GSPT1: variants seen among roughly 807,000 people sequenced by gnomAD.
GSPT1 encodes eukaryotic peptide chain release factor GTP-binding subunit ERF3A.
A neutral mutation model predicts 72.5 loss-of-function variants in GSPT1; 20 were observed. The observed-to-expected ratio is 0.28, with a 90% CI of 0.19 to 0.40. The LOEUF (loss-of-function observed/expected upper bound fraction) is 0.40, where lower values mean the gene tolerates loss of function less well. GSPT1 is among the 10% of genes least tolerant of loss of function. The pLI, the probability that GSPT1 is intolerant of heterozygous loss-of-function variation, is 1.00. For synonymous variants in GSPT1, 334 were observed against 293.5 expected (o/e 1.14, Z -1.41); for missense variants, 580 against 811.9 (o/e 0.71, Z 3.47).
intron 9 of GSPT1, 151 bp downstream of exon 9, chr16:11,886,320 G>A: frequency 5.4e-6 from 3 of 556,344 alleles, no homozygotes; most frequent in Non-Finnish European, 9.2e-6. Context: ...TATTTTTAAA[G>A]CCAAGGTTAC....
At chr16:11,913,409 G>A (rs1388452002) in intron 1 of GSPT1, among the ~76,000 whole-genome samples, 2 of 152,210 alleles carry the variant, frequency 1.3e-5, no homozygotes, top group Admixed American at 1.3e-4. Flanking sequence ...TTCTCTTACT[G>A]ACAGCTACTT....
At chr16:11,884,661 G>C (rs1596460584) in intron 10 of GSPT1, among the ~76,000 whole-genome samples, 3 of 151,986 alleles carry the variant, frequency 2.0e-5, no homozygotes, top group African/African-American at 7.3e-5. Flanking sequence ...CTACTCAGGA[G>C]GCTGAGGCTG....
intron 5 of GSPT1, 32 bp from the exon 6 acceptor site, chr16:11,891,171 C>A: frequency 5.4e-6 from 6 of 1,104,418 alleles, no homozygotes; most frequent in Non-Finnish European, 7.7e-6. Context: ...AAAAAGTAAA[C>A]AATTACTCAC....
At chr16:11,889,032 G>C (rs982681019) in intron 6 of GSPT1, among the ~76,000 whole-genome samples, 1 of 152,132 alleles carries the variant, frequency 6.6e-6, no homozygotes, top group African/African-American at 2.4e-5. Flanking sequence ...TTTTTGGATG[G>C]ATGCTGTGGC....
chr16:11,898,649 C>T (rs957093961), intron 1 of GSPT1, among the ~76,000 whole-genome samples: 1 of 152,058 alleles, frequency 6.6e-6, no homozygotes, highest in African/African-American at 2.4e-5. Flanking sequence ...TGGGGTTTCG[C>T]CACGTTGGTC....
At chr16:11,887,020 A>G in intron 7 of GSPT1, 89 bp from the exon 8 acceptor site, 1 of 581,256 alleles carries the variant, frequency 1.7e-6, no homozygotes, top group Middle Eastern at 3.7e-4. Flanking sequence ...TTATATCACG[A>G]GTTTTTTTTT....
chr16:11,906,626 CCT>C (rs1682414814), intron 1 of GSPT1, among the ~76,000 whole-genome samples: 1 of 151,994 alleles, frequency 6.6e-6, no homozygotes, highest in South Asian at 2.1e-4. Context: ...AATGTGAGAC[CCT>C]GTCTCAAAAA....
In GSPT1 at chr16:11,915,670, G is replaced by A; in HGVS notation, c.51C>T (p.Ser17=). The A allele has an allele frequency of 2.0e-6, 3 of 1,468,972 alleles. No homozygotes were observed. Among genetic ancestry groups the A allele is most frequent in the Admixed American group, 4.7e-5 (2 of 42,476 alleles). 91.0% of individuals were successfully genotyped at this position (1,468,972 alleles called of 1,614,324 possible). ...GGGGGGGGGG[S]SSGSSSSDSA... ...AGTCGCTGCTGCTGCTGCCGCTGCT[G>A]CTCCCGCCGCCGCCGCCGCCGCCGC... is the stretch of plus-strand genomic sequence containing the variant. Residue 17 remains serine, a synonymous_variant, in exon 1 of 15, where the codon AGC becomes AGT. Coordinates refer to ENST00000434724, the MANE Select transcript of GSPT1 (RefSeq NM_002094.4).
At position 11,876,658 on chromosome 16, in the gene GSPT1, G is replaced by A. The variant is rs140605480; in HGVS notation, c.1603-483C>T. 9.6e-3 allele frequency among the ~76,000 whole-genome samples: 1,466 copies of A among 152,234 alleles called. 16 individuals carry two copies. The highest frequency in any genetic ancestry group is 0.017 in the Middle Eastern group (5 of 294). On this transcript the variant is annotated intron_variant, in intron 12 of 14. Transcript: ENST00000434724. Reference sequence around the variant, plus strand: ...CTCAGGAGGCTGAGGCAGGACAATCGCTTGAATCCCGGAGGTGGAGGTTGC... The same window carrying A: ...CTCAGGAGGCTGAGGCAGGACAATCACTTGAATCCCGGAGGTGGAGGTTGC...
chr16:11,874,540 A>G (rs1450361773), intron 14 of GSPT1, among the ~76,000 whole-genome samples: 1 of 143,584 alleles, frequency 7.0e-6, no homozygotes, highest in East Asian at 2.0e-4. Flanking sequence ...TTCCTGCTAC[A>G]TTAATTGCTT....
rs2053984261 is a variant in GSPT1 at position 11,871,962 on chromosome 16, CTT to C, written c.*1155_*1156del. The C allele has an allele frequency of 6.6e-6, 1 of 152,190 alleles. No individual in the cohort carries two copies. The highest frequency in any genetic ancestry group is 1.5e-5 in the Non-Finnish European group (1 of 68,036). The allele number at this position is 152,190 out of a possible 1,614,324, so 9.4% of individuals were successfully genotyped here. A position where few individuals can be genotyped will look rare whatever the true frequency, so the allele number is the denominator to read the frequency against. ...TCAATTTCAAATAATTGAGATAAAA[CTT>C]ATACCCTGCTTGATTCTGCTTATCG... On this transcript the variant is annotated 3_prime_UTR_variant, in exon 15 of 15. Coordinates refer to ENST00000434724, the MANE Select transcript of GSPT1 (RefSeq NM_002094.4).
intron 7 of GSPT1, 92 bp from the exon 8 acceptor site, chr16:11,887,023 T>G: frequency 2.7e-6 from 2 of 750,102 alleles, no homozygotes; most frequent in Admixed American, 6.7e-5. Context: ...TATCACGAGT[T>G]TTTTTTTTTT....
chr16:11,891,621 C>T (rs2054262043), intron 5 of GSPT1, among the ~76,000 whole-genome samples: 1 of 151,322 alleles, frequency 6.6e-6, no homozygotes, highest in Non-Finnish European at 1.5e-5. Context: ...CGCAGCCTCC[C>T]AAAGTGCTGG....
chr16:11,877,550 C>T lies in GSPT1; in HGVS notation c.1459G>A (p.Asp487Asn), dbSNP rs1437462264. 1.3e-6 allele frequency: 2 copies of T among 1,598,172 alleles called. No homozygotes were observed. Among genetic ancestry groups the T allele is most frequent in the Non-Finnish European group, 1.7e-6 (2 of 1,174,934 alleles). The change falls in exon 12 of 15, where the codon GAT (aspartate) becomes AAT (asparagine). Residue 487 changes from aspartate to asparagine, a missense_variant. Coordinates refer to ENST00000434724, the MANE Select transcript of GSPT1 (RefSeq NM_002094.4). This position sits in a 1 kb window ranked among gnomAD's most constrained non-coding sequence, Gnocchi z 4.0. The part of the protein sequence containing the change: ...HNVEVLGILS[D>N]DVETDTVAPG... ...GCTACGGTATCAGTCTCTACATCAT[C>T]GGAAAGTATTCCAAGAACTTCCACG... is the stretch of plus-strand genomic sequence containing the variant.
chr16:11,911,476 C>G (rs1270212148), intron 1 of GSPT1, among the ~76,000 whole-genome samples: 2 of 152,046 alleles, frequency 1.3e-5, no homozygotes, highest in Non-Finnish European at 2.9e-5. Context: ...GCCTCCAGCT[C>G]CTGGGCTCAA....
At chr16:11,897,390 T>C (rs941578752) in intron 3 of GSPT1, among the ~76,000 whole-genome samples, 17 of 151,986 alleles carry the variant, frequency 1.1e-4, no homozygotes, top group Admixed American at 6.6e-5. Context: ...TTCGAGACCA[T>C]CCTGATCAAC....
chr16:11,910,686 G>A (rs1303836406), intron 1 of GSPT1, among the ~76,000 whole-genome samples: 2 of 152,152 alleles, frequency 1.3e-5, no homozygotes, highest in Non-Finnish European at 2.9e-5. Flanking sequence ...CTTAAACTTT[G>A]TCGTCTACAT....
At chr16:11,884,929 G>A (rs528242073) in intron 10 of GSPT1, among the ~76,000 whole-genome samples, 9 of 151,760 alleles carry the variant, frequency 5.9e-5, no homozygotes, top group East Asian at 1.9e-4. Context: ...TTAGCTGGGC[G>A]TGGTGGCGGG....
At chr16:11,882,970 A>C (rs780544728) in intron 11 of GSPT1, 45 bp downstream of exon 11, 6 of 1,295,610 alleles carry the variant, frequency 4.6e-6, no homozygotes, top group Non-Finnish European at 6.7e-6. Flanking sequence ...AAGAAAAAGA[A>C]AAAAAATCAA....
Sources: gnomAD v4.1 joint callset for allele counts (sites outside exome capture counted in the v4.1 genomes callset) on GRCh38, gnomAD v4.1.1 for gene constraint, Gnocchi (gnomAD v3.1) non-coding constraint, MANE v1.5 for transcripts, NCBI Gene and HGNC (gene_info 2026-07-23, HGNC 2026-07-21) for gene names.